The following CHODL variants were observed in gnomAD, a reference collection of about 807,000 sequenced individuals.
CHODL encodes chondrolectin.
CHODL carries 29 observed loss-of-function variants against 34.5 expected under a neutral mutation model. The ratio of observed to expected loss-of-function variants is 0.84; its 90% CI spans 0.63 to 1.15. The LOEUF is 1.15. CHODL is among the 50% of genes most tolerant of loss of function. CHODL has a pLI of 0.00. For missense variants in CHODL, 332 were observed against 332.5 expected, an observed-to-expected ratio of 1.00 and a Z score of 0.01; for synonymous variants, 125 against 116.1, an observed-to-expected ratio of 1.08 and a Z score of -0.49.
intron 2 of CHODL, among the ~76,000 whole-genome samples, chr21:18,039,815 CAATT>C (rs2064353555): frequency 6.6e-6 from 1 of 151,732 alleles, no homozygotes; most frequent in African/African-American, 2.4e-5. Flanking sequence ...GTTAAAATAA[CAATT>C]AAAGCCTTTG....
intron 1 of CHODL, among the ~76,000 whole-genome samples, chr21:18,006,897 T>G (rs2063965956): frequency 6.6e-6 from 1 of 152,206 alleles, no homozygotes. Flanking sequence ...GTCTGACACT[T>G]CAGATGTGGC....
chr21:18,127,701 T>TTTTTTA (rs2072592150), intron 2 of CHODL, among the ~76,000 whole-genome samples: 2 of 128,102 alleles, frequency 1.6e-5, no homozygotes, highest in African/African-American at 5.8e-5. Context: ...TTTTTTTTTT[T>TTTTTTA]AGCTTAAAAC....
At chr21:18,041,569 T>C (rs1203240975) in intron 2 of CHODL, among the ~76,000 whole-genome samples, 1 of 151,898 alleles carries the variant, frequency 6.6e-6, no homozygotes, top group Non-Finnish European at 1.5e-5. Flanking sequence ...TGCAGATGCA[T>C]TTTGTGATCG....
intron 2 of CHODL, among the ~76,000 whole-genome samples, chr21:18,228,909 C>T (rs964621045): frequency 5.3e-5 from 8 of 152,118 alleles, no homozygotes; most frequent in Non-Finnish European, 1.5e-5. Context: ...CTTAAAATAG[C>T]AGCTAGTGTG....
chr21:18,033,064 G>T (rs1285616965), intron 2 of CHODL, among the ~76,000 whole-genome samples: 1 of 151,998 alleles, frequency 6.6e-6, no homozygotes, highest in Admixed American at 6.6e-5. Flanking sequence ...GCTATGCAAA[G>T]AACAAAAACG....
intron 2 of CHODL, among the ~76,000 whole-genome samples, chr21:18,067,336 T>C (rs1268566581): frequency 2.6e-5 from 4 of 152,166 alleles, no homozygotes; most frequent in Non-Finnish European, 4.4e-5. Context: ...GATGAAGTCA[T>C]TAGTGTGAGT....
intron 2 of CHODL, among the ~76,000 whole-genome samples, chr21:18,227,710 C>T (rs1437967818): frequency 6.6e-6 from 1 of 152,010 alleles, no homozygotes; most frequent in Non-Finnish European, 1.5e-5. Flanking sequence ...CTAATACACA[C>T]AGGATAGTTA....
chr21:17,936,565 G>A (rs574975157), intron 1 of CHODL, among the ~76,000 whole-genome samples: 7 of 152,024 alleles, frequency 4.6e-5, no homozygotes, highest in Non-Finnish European at 1.0e-4. Context: ...CCAATGGAAA[G>A]CTGTTGTTTC....
chr21:18,170,142 C>CT, intron 2 of CHODL, among the ~76,000 whole-genome samples: 1 of 151,768 alleles, frequency 6.6e-6, no homozygotes, highest in South Asian at 2.1e-4. Flanking sequence ...TTTTTTATGT[C>CT]TTTCTGATGG....
chr21:17,985,422 G>C (rs2063745850), intron 1 of CHODL, among the ~76,000 whole-genome samples: 1 of 151,866 alleles, frequency 6.6e-6, no homozygotes, highest in African/African-American at 2.4e-5. Flanking sequence ...TCTGCAATTA[G>C]TAGTGAATCT....
At chr21:18,199,835 G>A (rs1314326293) in intron 2 of CHODL, among the ~76,000 whole-genome samples, 1 of 152,068 alleles carries the variant, frequency 6.6e-6, no homozygotes, top group Non-Finnish European at 1.5e-5. Flanking sequence ...ATACCAGTTT[G>A]TTTGTCCATT....
intron 2 of CHODL, among the ~76,000 whole-genome samples, chr21:18,193,125 C>G (rs1286217987): frequency 6.6e-6 from 1 of 152,004 alleles, no homozygotes; most frequent in Admixed American, 6.6e-5. Flanking sequence ...TAAATACTGA[C>G]TAGCATTAGA....
chr21:18,120,471 T>C (rs2065466298), intron 2 of CHODL, among the ~76,000 whole-genome samples: 1 of 152,196 alleles, frequency 6.6e-6, no homozygotes, highest in African/African-American at 2.4e-5. Context: ...GCCTGTGAGC[T>C]GAAATTCACA....
intron 2 of CHODL, among the ~76,000 whole-genome samples, chr21:18,200,497 G>T (rs988007560): frequency 6.6e-6 from 1 of 152,122 alleles, no homozygotes; most frequent in Non-Finnish European, 1.5e-5. Context: ...AGGAAGTTAT[G>T]TGAACATGAG....
At chr21:18,028,279 C>CTTCT (rs2064204780) in intron 2 of CHODL, among the ~76,000 whole-genome samples, 2 of 54,474 alleles carry the variant, frequency 3.7e-5, no homozygotes, top group African/African-American at 7.8e-5. Flanking sequence ...TCCTTTTCCC[C>CTTCT]TTCCTTCCTT....
At chr21:17,990,567 G>A (rs1186202223) in intron 1 of CHODL, among the ~76,000 whole-genome samples, 1 of 151,990 alleles carries the variant, frequency 6.6e-6, no homozygotes, top group Non-Finnish European at 1.5e-5. Context: ...TTTCAGTGCT[G>A]AATTTAAGCA....
chr21:18,109,999 A>T (rs910205591), intron 2 of CHODL, among the ~76,000 whole-genome samples: 2 of 152,182 alleles, frequency 1.3e-5, no homozygotes, highest in Non-Finnish European at 2.9e-5. Flanking sequence ...CAAGGGGAAA[A>T]AATAATGTGC....
At chr21:18,177,166 G>T (rs761198235) in intron 2 of CHODL, among the ~76,000 whole-genome samples, 6 of 151,908 alleles carry the variant, frequency 3.9e-5, no homozygotes, top group Non-Finnish European at 7.4e-5. Context: ...ACTAACAAGG[G>T]CAGAAATTGC....
intron 2 of CHODL, among the ~76,000 whole-genome samples, chr21:18,039,797 A>G (rs2064353345): frequency 6.6e-6 from 1 of 151,804 alleles, no homozygotes; most frequent in Admixed American, 6.6e-5. Flanking sequence ...TAAAAAAATT[A>G]AATAAAAGTT....
Sources: allele counts gnomAD v4.1 joint callset (sites outside exome capture counted in the v4.1 genomes callset), GRCh38; gene constraint gnomAD v4.1.1; transcripts MANE v1.5; gene names NCBI Gene and HGNC (gene_info 2026-07-23, HGNC 2026-07-21).